The following TTC39B variants were observed in gnomAD, a reference collection of about 807,000 sequenced individuals.
The protein encoded by TTC39B is tetratricopeptide repeat protein 39B.
A neutral mutation model predicts 96.6 loss-of-function variants in TTC39B; 92 were observed. The observed-to-expected ratio is 0.95, with a 90% CI of 0.80 to 1.13. The LOEUF (loss-of-function observed/expected upper bound fraction) is 1.13, where lower values mean the gene tolerates loss of function less well. Ranked by LOEUF, TTC39B falls within the 50% of genes most tolerant of loss-of-function variation. TTC39B has a pLI of 0.00. For missense variants in TTC39B, 955 were observed against 809.3 expected (o/e 1.18, Z -2.18); for synonymous variants, 367 against 299.4 (o/e 1.23, Z -2.33).
chr9:15,209,660 G>A (rs898297485), intron 6 of TTC39B, among the ~76,000 whole-genome samples: 2 of 152,054 alleles, frequency 1.3e-5, no homozygotes, highest in East Asian at 1.9e-4. Flanking sequence ...AAGGATTCTA[G>A]GACACCATTA....
chr9:15,306,935 C>T lies in TTC39B; in HGVS notation c.240+149G>A, dbSNP rs1218543998. 3.6e-6 allele frequency: 4 copies of T among 1,121,370 alleles called. No homozygotes were observed. Among genetic ancestry groups the T allele is most frequent in the Non-Finnish European group, 5.0e-6 (4 of 803,320 alleles). The allele number at this position is 1,121,370 out of a possible 1,614,324, so 69.5% of individuals were successfully genotyped here. The stretch of plus-strand genomic sequence containing the variant: ...CCAGCGGGGACAGACCTACCAAGGC[C>T]GGGCGCCCCCACCCGGCGCCCGCCA... On this transcript the variant is annotated intron_variant, in intron 1 of 19. Coordinates refer to ENST00000512701, the Ensembl canonical transcript of TTC39B. The surrounding 1 kb of genome is among the most constrained non-coding windows in gnomAD (Gnocchi z 5.1).
At chr9:15,260,912 C>A (rs1024081171) in intron 2 of TTC39B, among the ~76,000 whole-genome samples, 1 of 152,212 alleles carries the variant, frequency 6.6e-6, no homozygotes, top group Non-Finnish European at 1.5e-5. Context: ...TGTATTCACA[C>A]CACCTCAGGA....
At chr9:15,267,726 C>G (rs1823186934) in intron 2 of TTC39B, among the ~76,000 whole-genome samples, 188 bp downstream of exon 2, 1 of 152,138 alleles carries the variant, frequency 6.6e-6, no homozygotes, top group South Asian at 2.1e-4. Context: ...AGAAATGTAT[C>G]TGAAAGTATT....
intron 3 of TTC39B, among the ~76,000 whole-genome samples, chr9:15,219,974 G>C (rs550592119): frequency 1.4e-4 from 22 of 152,150 alleles, no homozygotes; most frequent in Non-Finnish European, 3.1e-4. Flanking sequence ...CTCCAACATA[G>C]TCTTTGTGAA....
At chr9:15,217,839 C>T (rs984696304) in intron 3 of TTC39B, among the ~76,000 whole-genome samples, 8 of 152,158 alleles carry the variant, frequency 5.3e-5, no homozygotes, top group Non-Finnish European at 1.0e-4. Context: ...TAGCTACCCA[C>T]ACCTACCACA....
chr9:15,235,145 G>A (rs1368672697), intron 2 of TTC39B, among the ~76,000 whole-genome samples: 1 of 151,964 alleles, frequency 6.6e-6, no homozygotes, highest in Non-Finnish European at 1.5e-5. Context: ...ACAATAGACT[G>A]GACCAGGCAG....
At position 15,266,011 on chromosome 9, in the gene TTC39B, C is replaced by T. The variant is rs145886443; in HGVS notation, c.275+1903G>A. 4.9e-3 allele frequency among the ~76,000 whole-genome samples: 742 copies of T among 152,162 alleles called. 9 individuals carry two copies. The highest frequency in any genetic ancestry group is 0.017 in the African/African-American group (726 of 41,494). On this transcript the variant is annotated intron_variant, in intron 2 of 19. Transcript: ENST00000512701. ...TGGTATCTTGGGTGGGATGCTGAGG[C>T]AGAAAAAGGACACTAGGTACAAACT... is the stretch of plus-strand genomic sequence containing the variant.
intron 2 of TTC39B, among the ~76,000 whole-genome samples, chr9:15,229,991 T>G (rs1227603369): frequency 6.6e-6 from 1 of 152,216 alleles, no homozygotes; most frequent in Non-Finnish European, 1.5e-5. Context: ...TTTATAACAT[T>G]GCATCTTCAC....
chr9:15,230,572 T>G (rs1821364323), intron 2 of TTC39B, among the ~76,000 whole-genome samples: 1 of 152,240 alleles, frequency 6.6e-6, no homozygotes, highest in Admixed American at 6.5e-5. Flanking sequence ...TCCTTTTTAT[T>G]ACCTAATATT....
intron 19 of TTC39B, among the ~76,000 whole-genome samples, chr9:15,172,826 T>C (rs1442583055): frequency 6.6e-6 from 1 of 152,178 alleles, no homozygotes; most frequent in Non-Finnish European, 1.5e-5. Context: ...TAGCCCTTCA[T>C]TTTGAACAGG....
At chr9:15,194,366 A>G (rs1819030132) in intron 8 of TTC39B, among the ~76,000 whole-genome samples, 2 of 152,188 alleles carry the variant, frequency 1.3e-5, no homozygotes, top group East Asian at 1.9e-4. Context: ...AACATTTACT[A>G]AAGTACCTAT....
intron 2 of TTC39B, among the ~76,000 whole-genome samples, chr9:15,236,739 A>C (rs1343411769): frequency 6.6e-6 from 1 of 152,200 alleles, no homozygotes; most frequent in Non-Finnish European, 1.5e-5. Flanking sequence ...TAAACAATGA[A>C]ATTAAGGCAG....
intron 3 of TTC39B, among the ~76,000 whole-genome samples, chr9:15,218,632 T>TAAAAAAAAATATA (rs545882970): frequency 1.1e-3 from 111 of 105,150 alleles, no homozygotes; most frequent in African/African-American, 3.8e-3. Flanking sequence ...TTAGTCTATT[T>TAAAAAAAAATATA]TAAATATATA....
At chr9:15,200,035 AG>A in intron 7 of TTC39B, 110 bp from the exon 8 acceptor site, 1 of 582,396 alleles carries the variant, frequency 1.7e-6, no homozygotes, top group Non-Finnish European at 2.9e-6. Flanking sequence ...AACAAAAAAA[AG>A]TATTTTGAGG....
At chr9:15,258,242 A>G (rs1822826410) in intron 2 of TTC39B, among the ~76,000 whole-genome samples, 2 of 152,172 alleles carry the variant, frequency 1.3e-5, no homozygotes, top group South Asian at 4.1e-4. Flanking sequence ...AGAGAGAGGA[A>G]AGTGAACGGA....
chr9:15,177,896 C>A (rs917472584), intron 17 of TTC39B, 82 bp from the exon 18 acceptor site: 21 of 799,952 alleles, frequency 2.6e-5, no homozygotes, highest in Non-Finnish European at 3.8e-5. Context: ...TTGAGACGGA[C>A]TCTCGCTCTC....
intron 2 of TTC39B, among the ~76,000 whole-genome samples, chr9:15,255,087 T>C (rs1822704670): frequency 6.6e-6 from 1 of 152,054 alleles, no homozygotes; most frequent in Admixed American, 6.6e-5. Context: ...CAGGTAATTT[T>C]AAAAGACCGC....
At chr9:15,225,038 T>G (rs1337788220) in intron 3 of TTC39B, among the ~76,000 whole-genome samples, 1 of 152,174 alleles carries the variant, frequency 6.6e-6, no homozygotes, top group African/African-American at 2.4e-5. Context: ...AAGTACTTTC[T>G]CATGTACTAG....
At position 15,192,697 on chromosome 9, in the gene TTC39B, T is replaced by C. The variant is rs754321235; in HGVS notation, c.825-2A>G. ...TCATGCAGGATAGAAAGACATTCTCTGGGTTGAAGAAAAAAAGTGACAGCA... is the reference window on the plus strand; with the variant it reads ...TCATGCAGGATAGAAAGACATTCTCCGGGTTGAAGAAAAAAAGTGACAGCA... On this transcript the variant is annotated splice_acceptor_variant, in intron 8 of 19. Coordinates refer to ENST00000512701, the Ensembl canonical transcript of TTC39B. LOFTEE classifies it high-confidence loss of function. 1.2e-6 allele frequency: 2 copies of C among 1,608,686 alleles called. No homozygotes were observed. The highest frequency in any genetic ancestry group is 1.7e-6 in the Non-Finnish European group (2 of 1,177,172).
Sources: gnomAD v4.1 joint callset for allele counts (sites outside exome capture counted in the v4.1 genomes callset) on GRCh38, gnomAD v4.1.1 for gene constraint, Gnocchi (gnomAD v3.1) non-coding constraint, MANE v1.5 for transcripts, NCBI Gene and HGNC (gene_info 2026-07-23, HGNC 2026-07-21) for gene names.